Variants in MYO5B observed in about 807,000 individuals in gnomAD.
MYO5B encodes the protein unconventional myosin-Vb.
In MYO5B, 143 loss-of-function variants were observed where a neutral mutation model predicts 229.3. That is an observed-to-expected ratio of 0.62 (90% CI 0.54 to 0.72). The LOEUF (loss-of-function observed/expected upper bound fraction) is 0.72, where lower values mean the gene tolerates loss of function less well. Ranked by LOEUF, MYO5B falls within the 30% of genes least tolerant of loss-of-function variation. The probability of loss-of-function intolerance (pLI) is 0.00; values close to 1 mark genes in which losing one functional copy is unlikely to be tolerated. For missense variants in MYO5B, 2,321 were observed against 2,331.0 expected, an observed-to-expected ratio of 1.00 and a Z score of 0.09; for synonymous variants, 918 against 885.2, an observed-to-expected ratio of 1.04 and a Z score of -0.66.
intron 9 of MYO5B, 59 bp from the exon 10 acceptor site, chr18:49,974,674 C>A: frequency 6.4e-7 from 1 of 1,572,208 alleles, no homozygotes. Flanking sequence ...CGCCCCCCAC[C>A]AATGTCTTCC....
rs569809841 is a variant in MYO5B, at chr18:50,015,849, T to C, written c.456-14438A>G. 2.6e-5 allele frequency among the ~76,000 whole-genome samples: 4 copies of C among 152,354 alleles called. No homozygotes were observed. The East Asian group carries it at 7.7e-4, about 29-fold the overall frequency. ...GTTAGGAGCTCTCTGGTATGAGCAC[T>C]GTGATTGTGCTCCATGGGATATTTG... On this transcript the variant is annotated intron_variant, in intron 4 of 39. Transcript: ENST00000285039.
At chr18:50,070,205 G>A (rs1353204956) in intron 1 of MYO5B, among the ~76,000 whole-genome samples, 2 of 151,752 alleles carry the variant, frequency 1.3e-5, no homozygotes, top group Non-Finnish European at 2.9e-5. Flanking sequence ...TGTATTTTTA[G>A]TAGAGACAAG....
chr18:49,833,550 T>C (rs1487655710), intron 39 of MYO5B, among the ~76,000 whole-genome samples: 2 of 152,236 alleles, frequency 1.3e-5, no homozygotes, highest in African/African-American at 4.8e-5. Flanking sequence ...TTAACCTCCA[T>C]TATATTTTCC....
chr18:49,953,447 T>C lies in MYO5B; in HGVS notation c.1669-104A>G, dbSNP rs531928962. 8 of 974,716 alleles carry C rather than the reference T, an allele frequency of 8.2e-6. No homozygotes were observed. In the East Asian group the frequency reaches 1.7e-4, roughly 21 times the overall value. The allele number at this position is 974,716 out of a possible 1,614,324, so 60.4% of individuals were successfully genotyped here. On this transcript the variant is annotated intron_variant, in intron 13 of 39. Coordinates refer to ENST00000285039, the MANE Select transcript of MYO5B (RefSeq NM_001080467.3). ...AGCATTTTCTGAAAAGAGCTGTGAG[T>C]AGATAGGAAACCCACAGATGTTTCC...
chr18:49,993,736 G>GCT (rs1598937656), intron 5 of MYO5B, among the ~76,000 whole-genome samples: 1 of 152,008 alleles, frequency 6.6e-6, no homozygotes, highest in East Asian at 1.9e-4. Flanking sequence ...ACTTCAATGG[G>GCT]CTCTCAATGG....
chr18:50,128,933 T>A (rs1260355247), intron 1 of MYO5B, among the ~76,000 whole-genome samples: 1 of 152,216 alleles, frequency 6.6e-6, no homozygotes, highest in East Asian at 1.9e-4. Flanking sequence ...AAAAGCAGGC[T>A]TTTTATTGAC....
intron 1 of MYO5B, among the ~76,000 whole-genome samples, chr18:50,089,464 G>A (rs2031399820): frequency 6.6e-6 from 1 of 151,964 alleles, no homozygotes; most frequent in Non-Finnish European, 1.5e-5. Context: ...GAAGCCAAGT[G>A]CAGTGGCTCA....
chr18:49,896,034 A>G (rs2024775279), intron 21 of MYO5B, among the ~76,000 whole-genome samples: 1 of 152,224 alleles, frequency 6.6e-6, no homozygotes. Context: ...TCTGGTCTGT[A>G]GGAGCGCCAG....
At chr18:49,984,638 A>G in intron 8 of MYO5B, 80 bp downstream of exon 8, 4 of 1,122,720 alleles carry the variant, frequency 3.6e-6, no homozygotes, top group Non-Finnish European at 5.5e-6. Flanking sequence ...GCTGGCAAGC[A>G]CAGTGGGACA....
intron 20 of MYO5B, among the ~76,000 whole-genome samples, chr18:49,903,867 C>A (rs1197912753): frequency 6.6e-6 from 1 of 152,226 alleles, no homozygotes; most frequent in Non-Finnish European, 1.5e-5. Flanking sequence ...AGAGCAAGAA[C>A]CTGGCAGGGA....
chr18:50,114,124 G>A (rs997172143), intron 1 of MYO5B, among the ~76,000 whole-genome samples: 1 of 152,124 alleles, frequency 6.6e-6, no homozygotes, highest in African/African-American at 2.4e-5. Context: ...AAGGTAATAA[G>A]CAGTTGCAAT....
chr18:49,910,573 A>C (rs893485535), intron 18 of MYO5B, among the ~76,000 whole-genome samples: 9 of 152,138 alleles, frequency 5.9e-5, no homozygotes, highest in African/African-American at 2.2e-4. Context: ...CTGTTTAAAA[A>C]AAAAAAAAAG....
chr18:50,032,118 T>C (rs534431633), intron 4 of MYO5B, among the ~76,000 whole-genome samples: 34 of 152,326 alleles, frequency 2.2e-4, no homozygotes, highest in Admixed American at 6.5e-4. Flanking sequence ...AGAACACCCC[T>C]GCAGATCCAT....
Position 49,974,714 on chromosome 18 carries a change from A to C in MYO5B, c.1057-99T>G, listed in dbSNP as rs1477222512. The C allele has an allele frequency of 7.7e-6, 11 of 1,425,618 alleles. No homozygotes were observed. In the South Asian group the frequency reaches 1.4e-4, roughly 18 times the overall value. The allele number at this position is 1,425,618 out of a possible 1,614,324, so 88.3% of individuals were successfully genotyped here. ...TCCTGCCCAGAGGGAAAACAAGCCA[A>C]ACTCAAGGCCTCCCAGCCCTCCAGA... On this transcript the variant is annotated intron_variant, in intron 9 of 39. Transcript: ENST00000285039.
intron 1 of MYO5B, among the ~76,000 whole-genome samples, chr18:50,074,062 C>A (rs752712279): frequency 6.6e-6 from 1 of 152,112 alleles, no homozygotes; most frequent in Admixed American, 6.5e-5. Flanking sequence ...AAGACATACC[C>A]GAGACTGGGA....
chr18:50,061,420 A>G (rs2030683456), intron 1 of MYO5B, among the ~76,000 whole-genome samples: 1 of 152,190 alleles, frequency 6.6e-6, no homozygotes, highest in Non-Finnish European at 1.5e-5. Flanking sequence ...TTTTGGATAG[A>G]ATTAGAAAAT....
At chr18:50,048,019 C>T (rs139553077) in intron 2 of MYO5B, among the ~76,000 whole-genome samples, 1 of 151,120 alleles carries the variant, frequency 6.6e-6, no homozygotes, top group Non-Finnish European at 1.5e-5. Flanking sequence ...AGCACACCAA[C>T]ATGGCACATG....
intron 14 of MYO5B, among the ~76,000 whole-genome samples, chr18:49,948,367 T>G (rs964321934): frequency 6.6e-6 from 1 of 151,722 alleles, no homozygotes; most frequent in Non-Finnish European, 1.5e-5. Flanking sequence ...TTTAAAAGGG[T>G]TTTAAATAGG....
chr18:50,009,931 TGA>T (rs1019006480), intron 4 of MYO5B, among the ~76,000 whole-genome samples: 1 of 151,910 alleles, frequency 6.6e-6, no homozygotes, highest in African/African-American at 2.4e-5. Flanking sequence ...GTTCCTGGGG[TGA>T]AAATGGCAGA....
Sources: allele counts gnomAD v4.1 joint callset (sites outside exome capture counted in the v4.1 genomes callset), GRCh38; gene constraint gnomAD v4.1.1; transcripts MANE v1.5; gene names NCBI Gene and HGNC (gene_info 2026-07-23, HGNC 2026-07-21).